The following CNKSR2 variants were observed in gnomAD, a reference collection of about 807,000 sequenced individuals.
CNKSR2 encodes the protein CNK homolog protein 2.
A neutral mutation model predicts 84.4 loss-of-function variants in CNKSR2; 14 were observed. That is an observed-to-expected ratio of 0.17 (90% CI 0.11 to 0.26). The LOEUF (loss-of-function observed/expected upper bound fraction) is 0.26. Ranked by LOEUF, CNKSR2 falls within the 10% of genes least tolerant of loss-of-function variation. The probability of loss-of-function intolerance (pLI) is 1.00; values close to 1 mark genes in which losing one functional copy is unlikely to be tolerated. For missense variants in CNKSR2, 485 were observed against 771.2 expected, an observed-to-expected ratio of 0.63 and a Z score of 4.40; for synonymous variants, 275 against 277.9, an observed-to-expected ratio of 0.99 and a Z score of 0.10.
rs140094626 is a variant in CNKSR2, at chrX:21,384,626, A to G, written c.64+9665A>G. On this transcript the variant is annotated intron_variant, in intron 1 of 21. Transcript: ENST00000379510. ...AAGGAAAGGTTTGCTGATCAATCTA[A>G]TAATGCAAACAAGATTGGAAAGAAA... Among the ~76,000 whole-genome samples the G allele has an allele frequency of 1.7e-4, 19 of 112,161 alleles. No individual in the cohort carries two copies. The East Asian group carries it at 4.5e-3, about 26-fold the overall frequency.
At chrX:21,615,334 T>C (rs1457578307) in intron 20 of CNKSR2, among the ~76,000 whole-genome samples, 1 of 112,173 alleles carries the variant, frequency 8.9e-6, no homozygotes, top group Non-Finnish European at 1.9e-5. Flanking sequence ...TTGATATAAT[T>C]ATTGTTGCTC....
intron 1 of CNKSR2, among the ~76,000 whole-genome samples, chrX:21,396,909 A>G (rs1199492850): frequency 8.9e-6 from 1 of 112,037 alleles, no homozygotes; most frequent in Non-Finnish European, 1.9e-5. Flanking sequence ...CAAGAGAATG[A>G]GTTCTTTTGA....
intron 11 of CNKSR2, among the ~76,000 whole-genome samples, chrX:21,533,590 A>G (rs1420091364): frequency 9.0e-6 from 1 of 111,379 alleles, no homozygotes; most frequent in East Asian, 2.8e-4. Context: ...GTCCCTTCGG[A>G]CTACATTTTA....
intron 13 of CNKSR2, among the ~76,000 whole-genome samples, chrX:21,577,425 A>G (rs2092326050): frequency 9.0e-6 from 1 of 111,129 alleles, no homozygotes; most frequent in South Asian, 3.7e-4. Flanking sequence ...GCCTTTAGGG[A>G]AAAAAAATAC....
intron 1 of CNKSR2, among the ~76,000 whole-genome samples, chrX:21,407,338 A>G (rs1019346649): frequency 1.8e-5 from 2 of 111,423 alleles, no homozygotes; most frequent in Non-Finnish European, 3.8e-5. Context: ...AATATACTCT[A>G]TGTGTTGGAG....
At chrX:21,445,811 G>A (rs913308143) in intron 4 of CNKSR2, among the ~76,000 whole-genome samples, 4 of 111,618 alleles carry the variant, frequency 3.6e-5, no homozygotes, top group African/African-American at 1.3e-4. Context: ...GTATTCCATT[G>A]TGTACATATA....
In CNKSR2 at chrX:21,447,201, G is replaced by T. The variant is rs186583920; in HGVS notation, c.519+6420G>T. ...ATTCATTTTCACTGCATATAATATTGAATTCTGTGCATTATGTGCATACCC... is the reference window on the plus strand; with the variant it reads ...ATTCATTTTCACTGCATATAATATTTAATTCTGTGCATTATGTGCATACCC... On this transcript the variant is annotated intron_variant, in intron 4 of 21. Coordinates refer to ENST00000379510, the MANE Select transcript of CNKSR2 (RefSeq NM_014927.5). 4.6e-4 allele frequency among the ~76,000 whole-genome samples: 51 copies of T among 110,961 alleles called. No homozygotes were observed. In the East Asian group the frequency reaches 7.1e-3, roughly 15 times the overall value.
intron 5 of CNKSR2, among the ~76,000 whole-genome samples, 200 bp from the exon 6 acceptor site, chrX:21,490,259 A>G (rs1454771371): frequency 8.9e-6 from 1 of 111,956 alleles, no homozygotes; most frequent in Non-Finnish European, 1.9e-5. Context: ...TCTTACACTC[A>G]TAATTTAGAA....
At chrX:21,567,038 T>C (rs1215137653) in intron 13 of CNKSR2, among the ~76,000 whole-genome samples, 2 of 111,825 alleles carry the variant, frequency 1.8e-5, no homozygotes, top group African/African-American at 6.5e-5. Context: ...CACTTTCCTT[T>C]TCAACATGCT....
chrX:21,643,018 T>A, intron 20 of CNKSR2: 1 of 152,446 alleles, frequency 6.6e-6, no homozygotes, highest in Non-Finnish European at 1.1e-5. Flanking sequence ...TCTCCCTGTT[T>A]AAGCCATAGT....
At chrX:21,520,823 T>C (rs1468126162) in intron 9 of CNKSR2, among the ~76,000 whole-genome samples, 2 of 110,313 alleles carry the variant, frequency 1.8e-5, no homozygotes, top group East Asian at 5.7e-4. Flanking sequence ...TATAATTATG[T>C]TCCTAAATTG....
Position 21,601,278 on chromosome X carries a change from T to C in CNKSR2, c.1977-4T>C, listed in dbSNP as rs962787423. The stretch of plus-strand genomic sequence containing the variant: ...GTTATTGATTTTAATATTTGTTTTC[T>C]CAGGTGGCTTAACAGAATTAATATG... On this transcript the variant is annotated splice_polypyrimidine_tract_variant and splice_region_variant and intron_variant, in intron 17 of 21. Transcript: ENST00000379510. 11 of 1,120,249 alleles carry C rather than the reference T, an allele frequency of 9.8e-6. No individual in the cohort carries two copies. Among genetic ancestry groups the C allele is most frequent in the Non-Finnish European group, 1.3e-5 (11 of 821,047 alleles). The allele number at this position is 1,120,249 out of a possible 1,213,427, so 92.3% of individuals were successfully genotyped here. A position where few individuals can be genotyped will look rare whatever the true frequency, so the allele number is the denominator to read the frequency against.
chrX:21,401,445 T>C (rs1352264283), intron 1 of CNKSR2, among the ~76,000 whole-genome samples: 1 of 112,032 alleles, frequency 8.9e-6, no homozygotes, highest in Non-Finnish European at 1.9e-5. Context: ...TATTTTGGCC[T>C]TTTTCAAAAC....
rs1199910719 is a variant in CNKSR2 at position 21,469,036 on chromosome X, A to G, written c.520-1730A>G. ...ATTAGGAATGTGCTAGTAAATTTTT[A>G]TATTTTAAAGATACTTGAAATAGTT... On this transcript the variant is annotated intron_variant, in intron 4 of 21. Transcript: ENST00000379510. Among the ~76,000 whole-genome samples the G allele has an allele frequency of 1.7e-4, 19 of 112,475 alleles. No individual in the cohort carries two copies. The Admixed American group carries it at 1.8e-3, about 11-fold the overall frequency.
chrX:21,565,464 A>G (rs1375172608), intron 13 of CNKSR2, among the ~76,000 whole-genome samples: 2 of 111,906 alleles, frequency 1.8e-5, no homozygotes, highest in Non-Finnish European at 3.8e-5. Flanking sequence ...CTTCACTTCT[A>G]GAAATTTATT....
intron 1 of CNKSR2, among the ~76,000 whole-genome samples, chrX:21,401,560 T>C (rs966524260): frequency 6.3e-5 from 7 of 111,997 alleles, no homozygotes; most frequent in Non-Finnish European, 1.3e-4. Context: ...TAGGTATGTG[T>C]ATACATGTGC....
intron 1 of CNKSR2, among the ~76,000 whole-genome samples, chrX:21,386,018 CA>C (rs1179082753): frequency 0.06 from 1,220 of 20,355 alleles, 6 homozygotes; most frequent in African/African-American, 0.16. Context: ...TGGATGTAGG[CA>C]AAAAAAAAAA....
At chrX:21,494,761 A>G (rs888566361) in intron 6 of CNKSR2, 5 of 111,795 alleles carry the variant, frequency 4.5e-5, no homozygotes, top group African/African-American at 1.3e-4. Flanking sequence ...TACTATTATA[A>G]TGAGCAAAGG....
chrX:21,596,263 G>T (rs1028068590), intron 17 of CNKSR2, among the ~76,000 whole-genome samples: 7 of 110,068 alleles, frequency 6.4e-5, no homozygotes, highest in Non-Finnish European at 9.5e-5. Context: ...GAGGTGGATG[G>T]GGCTAATAAC....
Sources: allele counts gnomAD v4.1 joint callset (sites outside exome capture counted in the v4.1 genomes callset), GRCh38; gene constraint gnomAD v4.1.1; transcripts MANE v1.5; gene names NCBI Gene and HGNC (gene_info 2026-07-23, HGNC 2026-07-21).